SRCIN1: variants seen among roughly 807,000 people sequenced by gnomAD.
SRCIN1 encodes SRC kinase signaling inhibitor 1.
Under a neutral mutation model 116.2 loss-of-function variants are expected in SRCIN1, and 50 were observed. That is an observed-to-expected ratio of 0.43 (90% CI 0.34 to 0.54). The LOEUF is 0.54. SRCIN1 is among the 20% of genes least tolerant of loss of function. The probability of loss-of-function intolerance (pLI) is 0.02; values close to 1 mark genes in which losing one functional copy is unlikely to be tolerated. For synonymous variants in SRCIN1, 736 were observed against 750.0 expected (o/e 0.98, Z 0.30); for missense variants, 1,446 against 1,672.0 (o/e 0.86, Z 2.36).
Position 38,562,456 on chromosome 17 carries a change from C to G in SRCIN1, c.835-128G>C. ...CTTCTGCTCTCTGCCCTCCCTCCAT[C>G]CTGCTGCGTCTAGGGTCCCTTTCCC... On this transcript the variant is annotated intron_variant, in intron 6 of 18. Transcript: ENST00000617146. The surrounding 1 kb of genome is among the most constrained non-coding windows in gnomAD (Gnocchi z 4.2). The G allele has an allele frequency of 8.8e-7, 1 of 1,131,764 alleles. No homozygotes were observed. The highest frequency in any genetic ancestry group is 1.2e-6 in the Non-Finnish European group (1 of 845,978). 70.1% of individuals were successfully genotyped at this position (1,131,764 alleles called of 1,614,324 possible).
At chr17:38,569,368 A>C (rs1050056755) in intron 2 of SRCIN1, among the ~76,000 whole-genome samples, 1 of 152,166 alleles carries the variant, frequency 6.6e-6, no homozygotes, top group African/African-American at 2.4e-5. Context: ...GGTGCCTGGC[A>C]CGAGCAGACA....
At chr17:38,590,901 T>C (rs1908405260) in intron 1 of SRCIN1, among the ~76,000 whole-genome samples, 1 of 152,150 alleles carries the variant, frequency 6.6e-6, no homozygotes, top group African/African-American at 2.4e-5. Context: ...AAGAGAACGC[T>C]GAAACAACCC....
chr17:38,561,548 G>A lies in SRCIN1; in HGVS notation c.1615C>T (p.Pro539Ser). 6.2e-7 allele frequency: 1 copy of A among 1,601,272 alleles called. No homozygotes were observed. The highest frequency in any genetic ancestry group is 8.5e-7 in the Non-Finnish European group (1 of 1,176,658). ...GGCCCAGGGAAGAGCTCCGAAGGGG[G>A]AGCTCCGGCCGTCGAGGCGCTCCCC... The part of the protein sequence containing the change: ...SAGSASTAGA[P>S]PSELFPGPGE... Residue 539 changes from proline (P) to serine (S), a missense_variant, in exon 7 of 19, where the codon CCC becomes TCC. Around this residue, in one of 5 missense-constraint regions of SRCIN1, gnomAD observed 398 missense variants for 385.6 expected, o/e 1.03. Transcript: ENST00000617146.
At position 38,563,026 on chromosome 17, in the gene SRCIN1, G is replaced by T; in HGVS notation, c.741-106C>A. On this transcript the variant is annotated intron_variant, in intron 5 of 18. Coordinates refer to ENST00000617146, the MANE Select transcript of SRCIN1 (RefSeq NM_025248.3). This position sits in a 1 kb window ranked among gnomAD's most constrained non-coding sequence, Gnocchi z 5.8. ...AGAAGAGGGGTGGCCAGAGGCACCG[G>T]GAGCCCCATCTCAGGCTGCCTGCAC... The T allele has an allele frequency of 1.0e-6, 1 of 991,088 alleles. No individual in the cohort carries two copies. The allele number at this position is 991,088 out of a possible 1,614,324, so 61.4% of individuals were successfully genotyped here. A position where few individuals can be genotyped will look rare whatever the true frequency, so the allele number is the denominator to read the frequency against.
chr17:38,560,349 C>G lies in SRCIN1; in HGVS notation c.1777G>C (p.Glu593Gln), dbSNP rs1906149423. The G allele has an allele frequency of 6.2e-7, 1 of 1,610,448 alleles. No individual in the cohort carries two copies. The highest frequency in any genetic ancestry group is 8.5e-7 in the Non-Finnish European group (1 of 1,178,432). Residue 593 changes from glutamate (E) to glutamine (Q), a missense_variant, in exon 8 of 19, where the codon GAG (glutamate) becomes CAG (glutamine). This residue lies in a region of SRCIN1 where 398 missense variants were observed against 385.6 expected (regional missense o/e 1.03). Transcript: ENST00000617146. ...GGGCCTCACCTGGGGGTCTCAGGCT[C>G]AGAGCCTCGCAGTAAGGCGCTCTGC... is the stretch of plus-strand genomic sequence containing the variant. ...LVQSALLRGS[E>Q]PETPSEKIEG...
upstream of SRCIN1, among the ~76,000 whole-genome samples, chr17:38,606,155 ACT>A (rs966991806): frequency 6.6e-6 from 1 of 150,672 alleles, no homozygotes; most frequent in South Asian, 2.1e-4. This position sits in a 1 kb window ranked among gnomAD's most constrained non-coding sequence, Gnocchi z 5.2. Context: ...GGGCGCGCTC[ACT>A]CTCTCCTTCC....
At chr17:38,605,553 C>T in intron 1 of SRCIN1, 131 bp downstream of exon 1, 1 of 584,420 alleles carries the variant, frequency 1.7e-6, no homozygotes, top group Non-Finnish European at 2.6e-6. Flanking sequence ...TCCCTCGCCC[C>T]GCCGGCCACC....
Position 38,533,284 on chromosome 17 carries a change from G to C in SRCIN1, c.*13C>G. 1 of 1,545,062 alleles carries C rather than the reference G, an allele frequency of 6.5e-7. No individual in the cohort carries two copies. The highest frequency in any genetic ancestry group is 2.0e-5 in the Admixed American group (1 of 51,094). Reference sequence around the variant, plus strand: ...AGGGAGGGGGACAGGCGGGGCAGCGGGGTGAGGGGCTTCTAGAAGGAGATG... The same window carrying C: ...AGGGAGGGGGACAGGCGGGGCAGCGCGGTGAGGGGCTTCTAGAAGGAGATG... On this transcript the variant is annotated 3_prime_UTR_variant, in exon 19 of 19. Coordinates refer to ENST00000617146, the MANE Select transcript of SRCIN1 (RefSeq NM_025248.3).
intron 11 of SRCIN1, among the ~76,000 whole-genome samples, chr17:38,555,452 G>A (rs1027947186): frequency 1.3e-5 from 2 of 152,110 alleles, no homozygotes; most frequent in South Asian, 2.1e-4. Flanking sequence ...AGAGCCACCC[G>A]CCTAACCCAC....
intron 1 of SRCIN1, among the ~76,000 whole-genome samples, chr17:38,589,927 C>T (rs766401401): frequency 1.3e-5 from 2 of 152,206 alleles, no homozygotes; most frequent in African/African-American, 2.4e-5. Flanking sequence ...TTGGAAAAGG[C>T]AGGAGACTTG....
In SRCIN1 at chr17:38,552,689, T is replaced by C. The variant is rs759328973; in HGVS notation, c.2332+36A>G. ...TGGAGTATGGCAGACTTCCCCACCC[T>C]GAACAACGTGCTGCATTCGCAGGCC... is the stretch of plus-strand genomic sequence containing the variant. On this transcript the variant is annotated intron_variant, in intron 12 of 18. Transcript: ENST00000617146. The surrounding 1 kb of genome is among the most constrained non-coding windows in gnomAD (Gnocchi z 5.3). 4 of 1,613,016 alleles carry C rather than the reference T, an allele frequency of 2.5e-6. No homozygotes were observed. The highest frequency in any genetic ancestry group is 1.7e-6 in the Non-Finnish European group (2 of 1,179,502).
Position 38,549,138 on chromosome 17 carries a change from C to G in SRCIN1, c.3035G>C (p.Ser1012Thr). The change falls in exon 16 of 19, where the codon AGC becomes ACC. Residue 1012 changes from serine to threonine, a missense_variant. Ser to Thr is a moderately conservative substitution (Grantham distance 58). This residue lies in a region of SRCIN1 where 531 missense variants were observed against 633.9 expected (regional missense o/e 0.84). Transcript: ENST00000617146. ...KSPPPPPPRR[S>T]FPSSHGLTTT... ...GGTCAGGCCATGGGAGGAGGGGAAG[C>G]TCCGGCGGGGAGGGGGCGGTGGGGG... is the stretch of plus-strand genomic sequence containing the variant. 6.2e-7 allele frequency: 1 copy of G among 1,600,304 alleles called. No homozygotes were observed. The highest frequency in any genetic ancestry group is 8.5e-7 in the Non-Finnish European group (1 of 1,174,314).
At position 38,564,098 on chromosome 17, in the gene SRCIN1, G is replaced by A. The variant is rs1231257545; in HGVS notation, c.541+20C>T. On this transcript the variant is annotated intron_variant, in intron 4 of 18. Coordinates refer to ENST00000617146, the MANE Select transcript of SRCIN1 (RefSeq NM_025248.3). ...GGAGGAGCCTGTGTGGGGAGGGAGGGTGGACTGGGCGGGCAGTACCTGGGG... is the reference window on the plus strand; with the variant it reads ...GGAGGAGCCTGTGTGGGGAGGGAGGATGGACTGGGCGGGCAGTACCTGGGG... 2.5e-6 allele frequency: 4 copies of A among 1,584,048 alleles called. No individual in the cohort carries two copies. The South Asian group carries it at 4.6e-5, about 18-fold the overall frequency.
chr17:38,578,489 C>A lies in SRCIN1; in HGVS notation c.324+1G>T, dbSNP rs77311232. Reference sequence around the variant, plus strand: ...GCAGCCGCAGCCGGGAGCCCACTCACCTGCTCTCGCATCCTGTCCTGCTGG... The same window carrying A: ...GCAGCCGCAGCCGGGAGCCCACTCAACTGCTCTCGCATCCTGTCCTGCTGG... On this transcript the variant is annotated splice_donor_variant, in intron 2 of 18. Coordinates refer to ENST00000617146, the MANE Select transcript of SRCIN1 (RefSeq NM_025248.3). LOFTEE classifies it high-confidence loss of function. 6.3e-7 allele frequency: 1 copy of A among 1,581,372 alleles called. No individual in the cohort carries two copies. The highest frequency in any genetic ancestry group is 8.6e-7 in the Non-Finnish European group (1 of 1,157,312).
intron 8 of SRCIN1, 26 bp downstream of exon 8, chr17:38,560,307 C>T (rs1189352878): frequency 6.3e-7 from 1 of 1,591,180 alleles, no homozygotes; most frequent in Non-Finnish European, 8.6e-7. Flanking sequence ...TAGGCCCTGG[C>T]AGTGGTGTTG....
chr17:38,547,746 G>A, intron 17 of SRCIN1: 2 of 326,860 alleles, frequency 6.1e-6, no homozygotes, highest in Non-Finnish European at 1.2e-5. Context: ...AGAAGTGGCA[G>A]CAGCCCCGTT....
chr17:38,604,379 C>A lies in SRCIN1; in HGVS notation c.22+1305G>T, dbSNP rs921135746. 7.2e-5 allele frequency: 23 copies of A among 320,288 alleles called. 1 individual carries two copies. Among genetic ancestry groups the A allele is most frequent in the South Asian group, 2.5e-4 (11 of 44,418 alleles). The allele number at this position is 320,288 out of a possible 1,614,324, so 19.8% of individuals were successfully genotyped here. On this transcript the variant is annotated intron_variant, in intron 1 of 18. Coordinates refer to ENST00000617146, the MANE Select transcript of SRCIN1 (RefSeq NM_025248.3). The surrounding 1 kb of genome is among the most constrained non-coding windows in gnomAD (Gnocchi z 4.3). ...ACCCCCAGCTCGGGGAGCCCACTTT[C>A]CTTAAAGTTGGGGTGCTGCAGGACC... is the stretch of plus-strand genomic sequence containing the variant.
At chr17:38,566,298 C>A (rs1906677826) in intron 3 of SRCIN1, among the ~76,000 whole-genome samples, 1 of 152,166 alleles carries the variant, frequency 6.6e-6, no homozygotes, top group Admixed American at 6.5e-5. Flanking sequence ...ACGTTCCCTG[C>A]TCCACCACTT....
chr17:38,531,549 C>CA lies in SRCIN1; in HGVS notation c.*1747_*1748insT, dbSNP rs2040921871. ...AAAGTAATTGCATCATTTATGAGGTCCTTTTTTTTTTTTCTATTTTCCAGG... is the reference window on the plus strand; with the variant it reads ...AAAGTAATTGCATCATTTATGAGGTCACTTTTTTTTTTTTCTATTTTCCAGG... On this transcript the variant is annotated 3_prime_UTR_variant, in exon 19 of 19. Coordinates refer to ENST00000617146, the MANE Select transcript of SRCIN1 (RefSeq NM_025248.3). The CA allele has an allele frequency of 7.0e-6, 1 of 143,856 alleles. No individual in the cohort carries two copies. The highest frequency in any genetic ancestry group is 2.6e-5 in the African/African-American group (1 of 38,848). 8.9% of individuals were successfully genotyped at this position (143,856 alleles called of 1,614,324 possible).
Sources: allele counts gnomAD v4.1 joint callset (sites outside exome capture counted in the v4.1 genomes callset), GRCh38; gene constraint gnomAD v4.1.1; regional missense constraint gnomAD v4.1.1; non-coding constraint Gnocchi (gnomAD v3.1); transcripts MANE v1.5; gene names NCBI Gene and HGNC (gene_info 2026-07-23, HGNC 2026-07-21).